The following OXCT1 variants were observed in gnomAD, a reference collection of about 807,000 sequenced individuals.
OXCT1 encodes 3-oxoacid CoA-transferase 1, also known as succinyl-CoA:3-ketoacid coenzyme A transferase 1, mitochondrial.
OXCT1 carries 27 observed loss-of-function variants against 69.6 expected under a neutral mutation model. That is an observed-to-expected ratio of 0.39 (90% CI 0.29 to 0.54). OXCT1 has a LOEUF of 0.54. OXCT1 is among the 20% of genes least tolerant of loss of function. The pLI is 0.72. For synonymous variants in OXCT1, 202 were observed against 217.8 expected, an observed-to-expected ratio of 0.93 and a Z score of 0.64; for missense variants, 437 against 650.2, an observed-to-expected ratio of 0.67 and a Z score of 3.57.
chr5:41,844,771 A>T (rs1174359489), intron 5 of OXCT1, among the ~76,000 whole-genome samples: 3 of 151,624 alleles, frequency 2.0e-5, no homozygotes, highest in African/African-American at 7.3e-5. Context: ...TACACCCCTT[A>T]CCTATCTACC....
intron 7 of OXCT1, among the ~76,000 whole-genome samples, chr5:41,826,853 T>G (rs1747830509): frequency 6.6e-6 from 1 of 152,286 alleles, no homozygotes; most frequent in Middle Eastern, 3.4e-3. Flanking sequence ...CAATCAATCC[T>G]AAGCGAGCTC....
chr5:41,861,623 A>C (rs761702730), intron 2 of OXCT1, among the ~76,000 whole-genome samples: 1 of 152,190 alleles, frequency 6.6e-6, no homozygotes, highest in Non-Finnish European at 1.5e-5. Flanking sequence ...CAGTCTTTGA[A>C]CCACAAGTAT....
intron 2 of OXCT1, among the ~76,000 whole-genome samples, chr5:41,861,961 A>G (rs1478527591): frequency 6.6e-6 from 1 of 152,212 alleles, no homozygotes; most frequent in East Asian, 1.9e-4. Context: ...CTGTAATCCC[A>G]GCGCTTTGGG....
chr5:41,773,087 G>A (rs992363318), intron 13 of OXCT1, among the ~76,000 whole-genome samples: 4 of 152,130 alleles, frequency 2.6e-5, no homozygotes, highest in African/African-American at 9.7e-5. Flanking sequence ...GAACGACTTT[G>A]GGCGATTTGC....
At chr5:41,733,146 CTAA>C (rs924669591) in intron 16 of OXCT1, among the ~76,000 whole-genome samples, 13 of 151,594 alleles carry the variant, frequency 8.6e-5, no homozygotes, top group Admixed American at 8.5e-4. Flanking sequence ...TTCAACTCTA[CTAA>C]TAATAACATT....
intron 7 of OXCT1, among the ~76,000 whole-genome samples, chr5:41,824,416 A>AG (rs1283228187): frequency 2.0e-5 from 3 of 152,216 alleles, no homozygotes; most frequent in African/African-American, 7.2e-5. Flanking sequence ...TTAGCTGTAT[A>AG]GAGTCTACTT....
At chr5:41,754,165 T>TA (rs772644503) in intron 14 of OXCT1, among the ~76,000 whole-genome samples, 3 of 152,140 alleles carry the variant, frequency 2.0e-5, no homozygotes, top group Non-Finnish European at 4.4e-5. Flanking sequence ...GGGCTTCTTT[T>TA]AATTTAATAT....
chr5:41,757,482 T>C (rs1386104140), intron 14 of OXCT1, among the ~76,000 whole-genome samples: 4 of 152,044 alleles, frequency 2.6e-5, no homozygotes, highest in Non-Finnish European at 5.9e-5. Flanking sequence ...CCCATAAGAC[T>C]GGGCTGCCTG....
chr5:41,869,875 C>T (rs1190761285), intron 1 of OXCT1, among the ~76,000 whole-genome samples: 1 of 152,114 alleles, frequency 6.6e-6, no homozygotes, highest in Non-Finnish European at 1.5e-5. Context: ...AACCTACCCG[C>T]TGTTGCCTCA....
chr5:41,744,331 C>A (rs1182742352), intron 15 of OXCT1, among the ~76,000 whole-genome samples: 1 of 152,156 alleles, frequency 6.6e-6, no homozygotes, highest in Non-Finnish European at 1.5e-5. Flanking sequence ...TGAGACTTTG[C>A]TGAAGTTGCT....
intron 13 of OXCT1, among the ~76,000 whole-genome samples, chr5:41,779,390 C>T (rs1397921368): frequency 6.6e-6 from 1 of 152,048 alleles, no homozygotes; most frequent in East Asian, 1.9e-4. Flanking sequence ...GTTATACTAG[C>T]CACATTTCAA....
intron 10 of OXCT1, among the ~76,000 whole-genome samples, chr5:41,802,233 G>T (rs912661315): frequency 4.6e-5 from 7 of 151,838 alleles, no homozygotes; most frequent in African/African-American, 1.7e-4. Context: ...TCAACTATAC[G>T]CTCAGGATCA....
At chr5:41,792,123 A>T (rs1024253343) in intron 13 of OXCT1, among the ~76,000 whole-genome samples, 3 of 152,178 alleles carry the variant, frequency 2.0e-5, no homozygotes, top group African/African-American at 4.8e-5. Flanking sequence ...TATAAGAACA[A>T]TAACCTATTT....
chr5:41,846,823 T>A (rs1748930821), intron 5 of OXCT1, among the ~76,000 whole-genome samples: 1 of 152,176 alleles, frequency 6.6e-6, no homozygotes, highest in Non-Finnish European at 1.5e-5. Flanking sequence ...TGATTGCCAT[T>A]CTAACTGGTG....
chr5:41,770,863 C>T (rs1579701248), intron 13 of OXCT1, among the ~76,000 whole-genome samples: 2 of 152,180 alleles, frequency 1.3e-5, no homozygotes, highest in South Asian at 4.2e-4. Flanking sequence ...TTTCTGACTC[C>T]AGGCAGAATA....
Position 41,794,007 on chromosome 5 carries a change from AT to A in OXCT1, c.1243del (p.Ile415TyrfsTer6), listed in dbSNP as rs1469148923. The A allele has an allele frequency of 6.3e-7, 1 of 1,594,686 alleles. No homozygotes were observed. Among genetic ancestry groups the A allele is most frequent in the Admixed American group, 1.7e-5 (1 of 60,002 alleles). On this transcript the variant is annotated frameshift_variant, in exon 13 of 17. Transcript: ENST00000196371. LOFTEE classifies it high-confidence loss of function. Reference protein sequence around the residue: ...SKYGDLANWMIPGKMVKGMGG... With the variant: ...SKYGDLANWMXPGKMVKGMGG... ...GAATAAAAAATGTCTACTTACAGGT[AT>A]CATCCAGTTAGCCAGGTCACCATAT... is the stretch of plus-strand genomic sequence containing the variant.
intron 1 of OXCT1, among the ~76,000 whole-genome samples, chr5:41,867,235 T>A (rs559992010): frequency 6.6e-6 from 1 of 152,246 alleles, no homozygotes; most frequent in Admixed American, 6.5e-5. Flanking sequence ...AAGCCTGAAT[T>A]AAGAAAGTGG....
At chr5:41,863,342 A>T (rs1213800928) in intron 1 of OXCT1, among the ~76,000 whole-genome samples, 2 of 152,078 alleles carry the variant, frequency 1.3e-5, no homozygotes, top group Non-Finnish European at 2.9e-5. Flanking sequence ...TCTCTAAGCA[A>T]TTTTCTAGTA....
At chr5:41,802,764 G>T (rs1042426604) in intron 10 of OXCT1, among the ~76,000 whole-genome samples, 6 of 152,020 alleles carry the variant, frequency 3.9e-5, no homozygotes, top group African/African-American at 1.4e-4. Flanking sequence ...CCAGAGTCAG[G>T]AACGTACCAT....
Sources: allele counts gnomAD v4.1 joint callset (sites outside exome capture counted in the v4.1 genomes callset), GRCh38; gene constraint gnomAD v4.1.1; transcripts MANE v1.5; gene names NCBI Gene and HGNC (gene_info 2026-07-23, HGNC 2026-07-21).